Variants in PPM1E observed in about 807,000 individuals in gnomAD.
PPM1E encodes the protein protein phosphatase, Mg2+/Mn2+ dependent 1E, also known as protein phosphatase 1E.
Under a neutral mutation model 65.9 loss-of-function variants are expected in PPM1E, and 20 were observed. The observed-to-expected ratio is 0.30, with a 90% CI of 0.21 to 0.44. PPM1E has a LOEUF of 0.44. PPM1E is among the 20% of genes least tolerant of loss of function. The probability of loss-of-function intolerance (pLI) is 1.00; values close to 1 mark genes in which losing one functional copy is unlikely to be tolerated. For missense variants in PPM1E, 713 were observed against 953.1 expected (o/e 0.75, Z 3.32); for synonymous variants, 352 against 374.9 (o/e 0.94, Z 0.70).
chr17:58,896,773 A>G (rs929235386), intron 1 of PPM1E, among the ~76,000 whole-genome samples: 3 of 152,188 alleles, frequency 2.0e-5, no homozygotes, highest in African/African-American at 7.2e-5. Context: ...GCTACACTAG[A>G]CAACAGACTT....
rs771726422 is a variant in PPM1E, at chr17:58,955,675, C to G, written c.491C>G (p.Ala164Gly). 3 of 1,613,140 alleles carry G rather than the reference C, an allele frequency of 1.9e-6. No individual in the cohort carries two copies. The highest frequency in any genetic ancestry group is 2.5e-6 in the Non-Finnish European group (3 of 1,179,814). Reference sequence around the variant, plus strand: ...AATTGCCCTTCCTTTTTGGCTGCTGCTTTAGCCAGAGCCACATCAGATGAA... The same window carrying G: ...AATTGCCCTTCCTTTTTGGCTGCTGGTTTAGCCAGAGCCACATCAGATGAA... ...KYNCPSFLAAALARATSDEVL... is the reference protein window; with the variant it reads ...KYNCPSFLAAGLARATSDEVL... Residue 164 changes from alanine (A) to glycine (G), a missense_variant, in exon 2 of 7, where the codon GCT becomes GGT. By Grantham distance (60) the Ala-to-Gly change is moderately conservative. Coordinates refer to ENST00000308249, the MANE Select transcript of PPM1E (RefSeq NM_014906.5).
At chr17:58,909,098 T>A (rs78443570) in intron 1 of PPM1E, among the ~76,000 whole-genome samples, 7 of 152,314 alleles carry the variant, frequency 4.6e-5, no homozygotes, top group Middle Eastern at 6.8e-3. Context: ...CCTTTTTTTT[T>A]ATGTGCATCT....
Position 58,853,826 on chromosome 17 carries a change from G to A in PPM1E, c.464+97365G>A, listed in dbSNP as rs528998067. 3.3e-5 allele frequency among the ~76,000 whole-genome samples: 5 copies of A among 151,968 alleles called. No individual in the cohort carries two copies. In the South Asian group the frequency reaches 1.0e-3, roughly 32 times the overall value. On this transcript the variant is annotated intron_variant, in intron 1 of 6. Coordinates refer to ENST00000308249, the MANE Select transcript of PPM1E (RefSeq NM_014906.5). ...AGCCTGGACGACAGAGTGAGACTCT[G>A]TCCCAAAAAAAGAAAAGAAAGTGTG...
intron 1 of PPM1E, among the ~76,000 whole-genome samples, chr17:58,796,446 T>C (rs1350332492): frequency 2.0e-5 from 3 of 152,184 alleles, no homozygotes; most frequent in Non-Finnish European, 4.4e-5. Context: ...AATTCTTGTA[T>C]TTTTGTAGAG....
intron 1 of PPM1E, among the ~76,000 whole-genome samples, chr17:58,892,092 T>G (rs974693190): frequency 7.9e-5 from 12 of 152,110 alleles, no homozygotes; most frequent in African/African-American, 2.9e-4. Context: ...TGCCTTGGCC[T>G]CCCAAAGTGC....
In PPM1E at chr17:58,760,691, G is replaced by T. The variant is rs948619497; in HGVS notation, c.464+4230G>T. On this transcript the variant is annotated intron_variant, in intron 1 of 6. Coordinates refer to ENST00000308249, the MANE Select transcript of PPM1E (RefSeq NM_014906.5). ...TCTGCCAAGTCTGCTCAAGACTTCT[G>T]ATCCTATTGTAAGGGGTTAGGGTGC... is the stretch of plus-strand genomic sequence containing the variant. Among the ~76,000 whole-genome samples, 4 of 152,120 alleles carry T rather than the reference G, an allele frequency of 2.6e-5. No homozygotes were observed. In the South Asian group the frequency reaches 8.3e-4, roughly 31 times the overall value.
At chr17:58,936,295 G>C (rs2051979483) in intron 1 of PPM1E, among the ~76,000 whole-genome samples, 1 of 152,104 alleles carries the variant, frequency 6.6e-6, no homozygotes, top group African/African-American at 2.4e-5. Context: ...TGTTATTCTA[G>C]ATTTAGAATA....
intron 2 of PPM1E, among the ~76,000 whole-genome samples, chr17:58,963,881 T>C (rs2030126374): frequency 6.6e-6 from 1 of 151,470 alleles, no homozygotes; most frequent in African/African-American, 2.4e-5. Flanking sequence ...AGAGCAAGAC[T>C]CTCTCAGAAA....
chr17:58,800,083 CT>C lies in PPM1E; in HGVS notation c.464+43625del, dbSNP rs547600263. ...GCAAAGAAAGTAAATCTTATTGAAT[CT>C]TTCAATCCATGAACATTATAAATAT... On this transcript the variant is annotated intron_variant, in intron 1 of 6. Transcript: ENST00000308249. 1.4e-4 allele frequency among the ~76,000 whole-genome samples: 22 copies of C among 152,176 alleles called. No individual in the cohort carries two copies. The East Asian group carries it at 4.2e-3, about 29-fold the overall frequency.
chr17:58,963,354 T>C (rs1598682532), intron 2 of PPM1E, among the ~76,000 whole-genome samples: 1 of 139,564 alleles, frequency 7.2e-6, no homozygotes, highest in Admixed American at 7.6e-5. Flanking sequence ...ACCATTGCAC[T>C]CCAGCCTGGG....
chr17:58,920,711 C>A (rs1315598302), intron 1 of PPM1E, among the ~76,000 whole-genome samples: 1 of 152,096 alleles, frequency 6.6e-6, no homozygotes. Flanking sequence ...CATTAGATAT[C>A]CAAGAGCAGG....
chr17:58,817,147 A>G (rs2050434843), intron 1 of PPM1E, among the ~76,000 whole-genome samples: 1 of 152,030 alleles, frequency 6.6e-6, no homozygotes, highest in South Asian at 2.1e-4. Context: ...TCTATACCAC[A>G]TTTGATTTAT....
intron 1 of PPM1E, among the ~76,000 whole-genome samples, chr17:58,900,503 T>A (rs2051485507): frequency 1.3e-5 from 2 of 152,314 alleles, no homozygotes; most frequent in Admixed American, 1.3e-4. Flanking sequence ...TTATGTACAT[T>A]TTTTAGACAT....
intron 1 of PPM1E, among the ~76,000 whole-genome samples, chr17:58,934,087 CAAAA>C (rs11316368): frequency 5.0e-5 from 4 of 80,154 alleles, no homozygotes. Flanking sequence ...GACTTCGTAT[CAAAA>C]AAAAAAAAAA....
chr17:58,817,539 A>G (rs755722564), intron 1 of PPM1E, among the ~76,000 whole-genome samples: 5 of 152,188 alleles, frequency 3.3e-5, no homozygotes, highest in Non-Finnish European at 7.3e-5. Context: ...CAAATTTGAA[A>G]TATTAAATAC....
At chr17:58,798,488 G>T (rs567709386) in intron 1 of PPM1E, among the ~76,000 whole-genome samples, 3 of 148,158 alleles carry the variant, frequency 2.0e-5, no homozygotes, top group Admixed American at 2.0e-4. Flanking sequence ...CTCCCAAAGT[G>T]CTGGGATTAC....
chr17:58,873,174 G>GT (rs2051090185), intron 1 of PPM1E, among the ~76,000 whole-genome samples: 1 of 152,092 alleles, frequency 6.6e-6, no homozygotes. Context: ...ATAACTCTTT[G>GT]TAAGTTGATA....
intron 1 of PPM1E, among the ~76,000 whole-genome samples, chr17:58,889,360 G>T (rs2051318102): frequency 6.6e-6 from 1 of 152,132 alleles, no homozygotes; most frequent in Non-Finnish European, 1.5e-5. Flanking sequence ...CAGCACTTTG[G>T]GAGGCTGAGG....
chr17:58,816,450 A>G (rs1322538136), intron 1 of PPM1E, among the ~76,000 whole-genome samples: 1 of 151,756 alleles, frequency 6.6e-6, no homozygotes, highest in Non-Finnish European at 1.5e-5. Context: ...GACATTAGGT[A>G]CACTCACAAT....
Sources: allele counts gnomAD v4.1 joint callset (sites outside exome capture counted in the v4.1 genomes callset), GRCh38; gene constraint gnomAD v4.1.1; transcripts MANE v1.5; gene names NCBI Gene and HGNC (gene_info 2026-07-23, HGNC 2026-07-21).